EBF2: variants seen among roughly 807,000 people sequenced by gnomAD.
EBF2 encodes the protein EBF transcription factor 2, also known as transcription factor COE2.
Under a neutral mutation model 72.8 loss-of-function variants are expected in EBF2, and 21 were observed. That is an observed-to-expected ratio of 0.29 (90% CI 0.20 to 0.42). EBF2 has a LOEUF of 0.42. Among genes scored for constraint, EBF2 ranks in the 10% least tolerant of loss-of-function variants. The pLI is 1.00. For synonymous variants in EBF2, 299 were observed against 274.2 expected (o/e 1.09, Z -0.89); for missense variants, 637 against 731.2 (o/e 0.87, Z 1.49).
At chr8:25,875,141 G>T (rs1802501674) in intron 10 of EBF2, among the ~76,000 whole-genome samples, 1 of 152,150 alleles carries the variant, frequency 6.6e-6, no homozygotes, top group South Asian at 2.1e-4. Context: ...CTTTCAAGAT[G>T]AATCCACATT....
chr8:25,975,480 G>C (rs1804254067), intron 6 of EBF2, among the ~76,000 whole-genome samples: 1 of 152,198 alleles, frequency 6.6e-6, no homozygotes, highest in Non-Finnish European at 1.5e-5. Context: ...ACAGGATTAA[G>C]TAGACAGCTA....
At chr8:25,853,116 T>TAAAC (rs898420987) in intron 14 of EBF2, among the ~76,000 whole-genome samples, 2 of 152,138 alleles carry the variant, frequency 1.3e-5, no homozygotes, top group Non-Finnish European at 2.9e-5. Context: ...TTTCTCCTGC[T>TAAAC]AAACACCAAA....
intron 6 of EBF2, among the ~76,000 whole-genome samples, chr8:25,966,513 G>A (rs1167001230): frequency 6.6e-6 from 1 of 152,174 alleles, no homozygotes; most frequent in African/African-American, 2.4e-5. Context: ...GATGCAAGAA[G>A]GTAAATGCAA....
chr8:25,988,809 T>C (rs1804500478), intron 6 of EBF2, among the ~76,000 whole-genome samples: 1 of 152,180 alleles, frequency 6.6e-6, no homozygotes, highest in South Asian at 2.1e-4. Flanking sequence ...AGGCTCAGAA[T>C]TGATTTGCCC....
In EBF2 at chr8:25,913,157, A is replaced by G. The variant is rs562957958; in HGVS notation, c.552-4602T>C. On this transcript the variant is annotated intron_variant, in intron 6 of 15. Transcript: ENST00000520164. ...AAAATTTTTAATACAAAAGAAGTCC[A>G]TAAGGCCAGGTGCGGTGGCTCACTC... Among the ~76,000 whole-genome samples, 4 of 152,298 alleles carry G rather than the reference A, an allele frequency of 2.6e-5. No homozygotes were observed. In the South Asian group the frequency reaches 8.3e-4, roughly 32 times the overall value.
Position 25,981,253 on chromosome 8 carries a change from C to A in EBF2, c.551+51832G>T, listed in dbSNP as rs1254929938. ...CATCTCCTTGCTTCTAACTTCTAAG[C>A]AACAGGAGTGGCCTAGACCTTGGCC... On this transcript the variant is annotated intron_variant, in intron 6 of 15. Coordinates refer to ENST00000520164, the MANE Select transcript of EBF2 (RefSeq NM_022659.4). Among the ~76,000 whole-genome samples, 4 of 152,084 alleles carry A rather than the reference C, an allele frequency of 2.6e-5. No homozygotes were observed. The East Asian group carries it at 7.8e-4, about 30-fold the overall frequency.
At chr8:25,965,455 C>G (rs1377329401) in intron 6 of EBF2, among the ~76,000 whole-genome samples, 1 of 152,166 alleles carries the variant, frequency 6.6e-6, no homozygotes, top group Non-Finnish European at 1.5e-5. Flanking sequence ...CATGGAAATG[C>G]TAACGACTTT....
Position 25,886,812 on chromosome 8 carries a change from A to C in EBF2, c.952T>G (p.Leu318Val). Residue 318 changes from leucine to valine, a missense_variant, in exon 10 of 16, where the codon TTA (leucine) becomes GTA (valine). Transcript: ENST00000520164. ...RHIPGVVEVT[L>V]SYKSKQFCKG... ...CAGAACTGTTTAGATTTATAAGATA[A>C]TGTCACCTCTACCACGCCTGGGATG... 1 of 1,613,620 alleles carries C rather than the reference A, an allele frequency of 6.2e-7. No homozygotes were observed. Among genetic ancestry groups the C allele is most frequent in the Non-Finnish European group, 8.5e-7 (1 of 1,179,730 alleles).
chr8:25,996,133 T>G (rs369098322), intron 6 of EBF2, among the ~76,000 whole-genome samples: 1 of 151,964 alleles, frequency 6.6e-6, no homozygotes, highest in African/African-American at 2.4e-5. Flanking sequence ...AAACCCCATC[T>G]CTACCAAAAA....
At chr8:26,028,339 C>A (rs1339673175) in intron 6 of EBF2, among the ~76,000 whole-genome samples, 1 of 152,154 alleles carries the variant, frequency 6.6e-6, no homozygotes, top group Non-Finnish European at 1.5e-5. Flanking sequence ...ATATATGAGA[C>A]CAATGTCCAG....
At chr8:25,846,746 G>T (rs1240545291) in intron 15 of EBF2, among the ~76,000 whole-genome samples, 2 of 152,032 alleles carry the variant, frequency 1.3e-5, no homozygotes, top group African/African-American at 2.4e-5. Flanking sequence ...ATACCAAAGG[G>T]GCTCATGTAA....
chr8:26,023,296 A>G (rs1805233592), intron 6 of EBF2, among the ~76,000 whole-genome samples: 1 of 152,206 alleles, frequency 6.6e-6, no homozygotes, highest in Non-Finnish European at 1.5e-5. Context: ...TTTTCTAAAA[A>G]CAAATACCTA....
intron 6 of EBF2, among the ~76,000 whole-genome samples, chr8:25,945,180 G>T (rs933914253): frequency 7.4e-6 from 1 of 135,906 alleles, no homozygotes; most frequent in African/African-American, 2.8e-5. Context: ...TTCATAGCCT[G>T]CATGATTCCA....
chr8:25,976,844 G>C (rs1804276233), intron 6 of EBF2, among the ~76,000 whole-genome samples: 1 of 152,166 alleles, frequency 6.6e-6, no homozygotes, highest in Non-Finnish European at 1.5e-5. Flanking sequence ...ATAATAAAGG[G>C]TTTAAACTTT....
intron 14 of EBF2, among the ~76,000 whole-genome samples, chr8:25,852,984 G>A (rs1433217247): frequency 6.6e-6 from 1 of 152,132 alleles, no homozygotes; most frequent in Non-Finnish European, 1.5e-5. Flanking sequence ...GCAAAATAGA[G>A]TTCAGAAACA....
intron 6 of EBF2, among the ~76,000 whole-genome samples, chr8:25,998,230 T>G (rs117425372): frequency 0.011 from 1,662 of 152,140 alleles, 21 homozygotes; most frequent in South Asian, 0.028. Flanking sequence ...CACAGTGTCA[T>G]GAAGGAGAGA....
At chr8:25,860,119 T>C (rs1802185686) in intron 13 of EBF2, among the ~76,000 whole-genome samples, 1 of 152,306 alleles carries the variant, frequency 6.6e-6, no homozygotes, top group East Asian at 1.9e-4. Flanking sequence ...AAGGACCTCA[T>C]TAGGAACATT....
intron 13 of EBF2, among the ~76,000 whole-genome samples, chr8:25,859,721 C>CTTTTTT (rs202200790): frequency 7.0e-6 from 1 of 142,934 alleles, no homozygotes; most frequent in African/African-American, 2.6e-5. Flanking sequence ...CCTGTCTAGT[C>CTTTTTT]TTTTTTTTTT....
chr8:25,939,028 C>T (rs1803626371), intron 6 of EBF2, among the ~76,000 whole-genome samples: 2 of 152,216 alleles, frequency 1.3e-5, no homozygotes, highest in Middle Eastern at 3.4e-3. Context: ...CTCCCTTTTC[C>T]CTGTTGTTCT....
Sources: allele counts gnomAD v4.1 joint callset (sites outside exome capture counted in the v4.1 genomes callset), GRCh38; gene constraint gnomAD v4.1.1; transcripts MANE v1.5; gene names NCBI Gene and HGNC (gene_info 2026-07-23, HGNC 2026-07-21).